The following GPC5 variants were observed in gnomAD, a reference collection of about 807,000 sequenced individuals.
GPC5 encodes the protein glypican 5.
Under a neutral mutation model 53.9 loss-of-function variants are expected in GPC5, and 47 were observed. That is an observed-to-expected ratio of 0.87 (90% CI 0.69 to 1.11). The LOEUF (loss-of-function observed/expected upper bound fraction) is 1.11, where lower values mean the gene tolerates loss of function less well. Among genes scored for constraint, GPC5 ranks in the 50% most tolerant of loss-of-function variants. GPC5 has a pLI of 0.00. For synonymous variants in GPC5, 286 were observed against 263.3 expected (o/e 1.09, Z -0.84); for missense variants, 748 against 713.1 (o/e 1.05, Z -0.56).
At chr13:91,828,130 AATCAG>A (rs1407811927) in intron 5 of GPC5, among the ~76,000 whole-genome samples, 1 of 152,096 alleles carries the variant, frequency 6.6e-6, no homozygotes, top group Non-Finnish European at 1.5e-5. Context: ...ATGATGCACA[AATCAG>A]AACATTGGTG....
intron 7 of GPC5, among the ~76,000 whole-genome samples, chr13:92,203,977 T>C (rs1470832114): frequency 1.3e-5 from 2 of 151,984 alleles, no homozygotes; most frequent in African/African-American, 4.8e-5. Flanking sequence ...TAAAACAAAA[T>C]TGAAGTCAGA....
At chr13:92,281,188 C>A (rs956634440) in intron 7 of GPC5, among the ~76,000 whole-genome samples, 4 of 152,178 alleles carry the variant, frequency 2.6e-5, no homozygotes, top group Non-Finnish European at 5.9e-5. Flanking sequence ...AAGGCGTCAG[C>A]AAGGCTGGGG....
intron 6 of GPC5, among the ~76,000 whole-genome samples, chr13:92,054,067 A>G (rs1566414492): frequency 6.9e-6 from 1 of 145,324 alleles, no homozygotes; most frequent in East Asian, 1.9e-4. Flanking sequence ...AAATAAATAA[A>G]TAAATAAGAT....
At chr13:91,604,412 T>C (rs1181407593) in intron 2 of GPC5, among the ~76,000 whole-genome samples, 4 of 152,002 alleles carry the variant, frequency 2.6e-5, no homozygotes, top group Non-Finnish European at 1.5e-5. Flanking sequence ...GTAATAAACA[T>C]ATGGGTGCAT....
chr13:92,716,811 G>T (rs1594449625), intron 7 of GPC5, among the ~76,000 whole-genome samples: 2 of 152,156 alleles, frequency 1.3e-5, no homozygotes, highest in East Asian at 3.9e-4. Context: ...CAAATTCTAT[G>T]CTGAAACAAA....
intron 4 of GPC5, among the ~76,000 whole-genome samples, chr13:91,748,149 T>C (rs768926687): frequency 2.0e-5 from 3 of 152,254 alleles, no homozygotes; most frequent in Non-Finnish European, 4.4e-5. Flanking sequence ...GCTCTTTCTA[T>C]CTCTGTCTTC....
intron 5 of GPC5, among the ~76,000 whole-genome samples, chr13:91,907,503 T>TCTCTCTCTA (rs2039566577): frequency 7.7e-6 from 1 of 129,554 alleles, no homozygotes; most frequent in African/African-American, 3.0e-5. Flanking sequence ...CTCTCTCTCT[T>TCTCTCTCTA]TATATATATA....
At chr13:91,859,322 T>C (rs2039000727) in intron 5 of GPC5, among the ~76,000 whole-genome samples, 1 of 151,956 alleles carries the variant, frequency 6.6e-6, no homozygotes, top group African/African-American at 2.4e-5. Context: ...CTGTATCCCA[T>C]AGGTTTTGGT....
rs1340645834 is a variant in GPC5, at chr13:92,454,335, T to C, written c.1561+309346T>C. On this transcript the variant is annotated intron_variant, in intron 7 of 7. Transcript: ENST00000377067. ...TGTTTTTTTGCTTCTGTTTATTTGTTTTAGTCAGAAGCAATATGATTTTAC... is the reference window on the plus strand; with the variant it reads ...TGTTTTTTTGCTTCTGTTTATTTGTCTTAGTCAGAAGCAATATGATTTTAC... Among the ~76,000 whole-genome samples, 3 of 152,298 alleles carry C rather than the reference T, an allele frequency of 2.0e-5. No homozygotes were observed. The East Asian group carries it at 5.8e-4, about 29-fold the overall frequency.
intron 6 of GPC5, among the ~76,000 whole-genome samples, chr13:91,998,109 A>G (rs1566385743): frequency 2.6e-5 from 4 of 152,318 alleles, no homozygotes; most frequent in Admixed American, 2.0e-4. Context: ...TTGCCCTATC[A>G]CAATTTATTG....
intron 7 of GPC5, among the ~76,000 whole-genome samples, chr13:92,752,446 A>G (rs1464987272): frequency 6.6e-6 from 1 of 152,200 alleles, no homozygotes; most frequent in Non-Finnish European, 1.5e-5. Flanking sequence ...TGTAAAGGTA[A>G]AAAAGAGTGC....
At chr13:91,832,291 CTT>C (rs1207326666) in intron 5 of GPC5, among the ~76,000 whole-genome samples, 1 of 119,938 alleles carries the variant, frequency 8.3e-6, no homozygotes, top group Non-Finnish European at 1.8e-5. Context: ...TGCAACCATG[CTT>C]TTTTCTCTTT....
chr13:92,476,131 T>C lies in GPC5; in HGVS notation c.1561+331142T>C, dbSNP rs1044558994. Reference sequence around the variant, plus strand: ...AACCTACAGAATGGGAGAAAATTTTTGCAACCTACTCATCTGACAAAGGGC... The same window carrying C: ...AACCTACAGAATGGGAGAAAATTTTCGCAACCTACTCATCTGACAAAGGGC... On this transcript the variant is annotated intron_variant, in intron 7 of 7. Coordinates refer to ENST00000377067, the MANE Select transcript of GPC5 (RefSeq NM_004466.6). Among the ~76,000 whole-genome samples, 36 of 152,232 alleles carry C rather than the reference T, an allele frequency of 2.4e-4. 1 individual carries two copies. The highest frequency in any genetic ancestry group is 4.1e-4 in the Non-Finnish European group (28 of 68,022).
chr13:91,524,522 C>T (rs1403642679), intron 2 of GPC5, among the ~76,000 whole-genome samples: 1 of 151,990 alleles, frequency 6.6e-6, no homozygotes, highest in Non-Finnish European at 1.5e-5. Flanking sequence ...ATATGTACAT[C>T]TATCTTATTT....
intron 6 of GPC5, among the ~76,000 whole-genome samples, chr13:92,094,042 T>C (rs1240204658): frequency 6.6e-6 from 1 of 152,254 alleles, no homozygotes. Flanking sequence ...TGCTATCATT[T>C]GAGTTTTAAT....
chr13:91,474,837 AT>A (rs5805696), intron 2 of GPC5, among the ~76,000 whole-genome samples: 74,659 of 151,788 alleles, frequency 0.49, 19,567 homozygotes, highest in Non-Finnish European at 0.6. Context: ...TCGACAAGGT[AT>A]TTTTTCATTA....
At chr13:92,761,296 T>G (rs2138737262) in intron 7 of GPC5, among the ~76,000 whole-genome samples, 1 of 152,314 alleles carries the variant, frequency 6.6e-6, no homozygotes, top group South Asian at 2.1e-4. Flanking sequence ...GCCTCACAAG[T>G]AGATGGGCCT....
intron 5 of GPC5, among the ~76,000 whole-genome samples, chr13:91,778,469 G>A (rs922216441): frequency 8.5e-5 from 13 of 152,250 alleles, no homozygotes; most frequent in African/African-American, 3.1e-4. Flanking sequence ...TATGGGACTG[G>A]AATCTCATCT....
chr13:92,265,024 CTT>C, intron 7 of GPC5, among the ~76,000 whole-genome samples: 1 of 151,688 alleles, frequency 6.6e-6, no homozygotes, highest in East Asian at 2.0e-4. Flanking sequence ...CCATGAGCAC[CTT>C]TCTGAAAACT....
Sources: gnomAD v4.1 joint callset for allele counts (sites outside exome capture counted in the v4.1 genomes callset) on GRCh38, gnomAD v4.1.1 for gene constraint, MANE v1.5 for transcripts, NCBI Gene and HGNC (gene_info 2026-07-23, HGNC 2026-07-21) for gene names.